The following SBK1 variants were observed in gnomAD, a reference collection of about 807,000 sequenced individuals.
SBK1 encodes the protein serine/threonine-protein kinase SBK1.
SBK1 carries 11 observed loss-of-function variants against 24.4 expected under a neutral mutation model. The observed-to-expected ratio is 0.45, with a 90% CI of 0.28 to 0.75. The LOEUF (loss-of-function observed/expected upper bound fraction) is 0.75, where lower values mean the gene tolerates loss of function less well. SBK1 is among the 30% of genes least tolerant of loss of function. The pLI is 0.12. For missense variants in SBK1, 467 were observed against 620.5 expected, an observed-to-expected ratio of 0.75 and a Z score of 2.63; for synonymous variants, 308 against 284.4, an observed-to-expected ratio of 1.08 and a Z score of -0.83.
At chr16:28,265,441 C>T (rs986687471) in intron 1 of SBK1, among the ~76,000 whole-genome samples, 1 of 151,460 alleles carries the variant, frequency 6.6e-6, no homozygotes, top group Non-Finnish European at 1.5e-5. Context: ...AAATACTAGC[C>T]GGGCATGGTG....
rs927806126 is a variant in SBK1, at chr16:28,317,191, G to A, written c.-7-194G>A. Among the ~76,000 whole-genome samples, 2 of 152,126 alleles carry A rather than the reference G, an allele frequency of 1.3e-5. No individual in the cohort carries two copies. Among genetic ancestry groups the A allele is most frequent in the African/African-American group, 2.4e-5 (1 of 41,438 alleles). On this transcript the variant is annotated intron_variant, in intron 1 of 3. Coordinates refer to ENST00000341901, the MANE Select transcript of SBK1 (RefSeq NM_001024401.3). This position sits in a 1 kb window ranked among gnomAD's most constrained non-coding sequence, Gnocchi z 4.2. ...TCTGGCAGTGACTGGTCTTCGGGGA[G>A]CTGACTCAGGCCTGGCCCCTGAGGC... is the stretch of plus-strand genomic sequence containing the variant.
rs1217311087 is a variant in SBK1, at chr16:28,322,718, C to G, written c.*1797C>G. 2 of 152,844 alleles carry G rather than the reference C, an allele frequency of 1.3e-5. No individual in the cohort carries two copies. The highest frequency in any genetic ancestry group is 2.9e-5 in the Non-Finnish European group (2 of 68,146). 9.5% of individuals were successfully genotyped at this position (152,844 alleles called of 1,614,324 possible). On this transcript the variant is annotated 3_prime_UTR_variant, in exon 4 of 4. Transcript: ENST00000341901. ...ACATGCCAGGTAAGTAGCAAACCCC[C>G]ACTCCCTCCAAGGACCAGGTCTCAG...
intron 1 of SBK1, among the ~76,000 whole-genome samples, chr16:28,260,898 C>T (rs1378943793): frequency 6.6e-6 from 1 of 152,148 alleles, no homozygotes; most frequent in African/African-American, 2.4e-5. Context: ...CGGAGGCCCA[C>T]CAGGTCTGTC....
chr16:28,301,719 C>T (rs2044680952), intron 1 of SBK1, among the ~76,000 whole-genome samples: 1 of 152,232 alleles, frequency 6.6e-6, no homozygotes, highest in South Asian at 2.1e-4. Context: ...CCAGGCTCAC[C>T]TGCAGAGTCA....
chr16:28,312,041 G>A lies in SBK1; in HGVS notation c.-7-5344G>A, dbSNP rs140714506. ...AGCCCAAGGCGGGAGGATTGCACACGTGTGGATGTGTGTGCTGTATGCACG... is the reference window on the plus strand; with the variant it reads ...AGCCCAAGGCGGGAGGATTGCACACATGTGGATGTGTGTGCTGTATGCACG... On this transcript the variant is annotated intron_variant, in intron 1 of 3. Coordinates refer to ENST00000341901, the MANE Select transcript of SBK1 (RefSeq NM_001024401.3). Among the ~76,000 whole-genome samples, 256 of 152,390 alleles carry A rather than the reference G, an allele frequency of 1.7e-3. 3 individuals carry two copies. The highest frequency in any genetic ancestry group is 5.9e-3 in the African/African-American group (247 of 41,592).
intron 1 of SBK1, among the ~76,000 whole-genome samples, chr16:28,271,133 G>GA (rs1441605539): frequency 6.6e-6 from 1 of 152,082 alleles, no homozygotes; most frequent in African/African-American, 2.4e-5. Context: ...AAAGTGCTGG[G>GA]ATTACAGGCG....
At chr16:28,314,036 T>C (rs2044773397) in intron 1 of SBK1, among the ~76,000 whole-genome samples, 1 of 142,832 alleles carries the variant, frequency 7.0e-6, no homozygotes, top group South Asian at 2.2e-4. Flanking sequence ...TGGGCACCTA[T>C]GGAGCACTTA....
chr16:28,273,200 G>A (rs149485942), intron 1 of SBK1, among the ~76,000 whole-genome samples: 189 of 150,434 alleles, frequency 1.3e-3, no homozygotes, highest in African/African-American at 4.3e-3. Flanking sequence ...GTGAGCCACC[G>A]CACCTGGCCT....
upstream of SBK1, among the ~76,000 whole-genome samples, chr16:28,288,235 C>A (rs36074930): frequency 2.6e-5 from 4 of 152,114 alleles, no homozygotes; most frequent in South Asian, 6.2e-4. Flanking sequence ...TGTGTCTCCA[C>A]GAACAGACGC....
Position 28,321,181 on chromosome 16 carries a change from CA to C in SBK1, c.*262del, listed in dbSNP as rs1339814625. 1.6e-5 allele frequency: 4 copies of C among 250,666 alleles called. No homozygotes were observed. The highest frequency in any genetic ancestry group is 9.5e-5 in the East Asian group (1 of 10,512). 15.5% of individuals were successfully genotyped at this position (250,666 alleles called of 1,614,324 possible). On this transcript the variant is annotated 3_prime_UTR_variant, in exon 4 of 4. Coordinates refer to ENST00000341901, the MANE Select transcript of SBK1 (RefSeq NM_001024401.3). ...ACCCGAGAATTCGGAGGCCACCACA[CA>C]ACACACACACACACACACACACACA...
chr16:28,274,408 G>A (rs1441552619), intron 1 of SBK1, among the ~76,000 whole-genome samples: 1 of 152,170 alleles, frequency 6.6e-6, no homozygotes, highest in African/African-American at 2.4e-5. Context: ...CCAGCACTTT[G>A]GGATGCCGAG....
At chr16:28,268,422 G>GTT (rs1249851668) in intron 1 of SBK1, among the ~76,000 whole-genome samples, 3 of 148,258 alleles carry the variant, frequency 2.0e-5, no homozygotes, top group African/African-American at 7.8e-5. Flanking sequence ...TTTAAAAATG[G>GTT]GTTTTTTTTT....
At chr16:28,315,736 G>C (rs1410336744) in intron 1 of SBK1, among the ~76,000 whole-genome samples, 1 of 152,124 alleles carries the variant, frequency 6.6e-6, no homozygotes, top group Admixed American at 6.5e-5. Flanking sequence ...CCTTCAGCCT[G>C]GGCAACAGAG....
At chr16:28,283,810 G>A (rs892673690) in intron 1 of SBK1, among the ~76,000 whole-genome samples, 3 of 152,104 alleles carry the variant, frequency 2.0e-5, no homozygotes, top group African/African-American at 7.2e-5. Flanking sequence ...GCTAGAAATT[G>A]GTGGCAGACA....
chr16:28,267,424 C>G (rs1290222807), intron 1 of SBK1, among the ~76,000 whole-genome samples: 1 of 152,198 alleles, frequency 6.6e-6, no homozygotes, highest in Non-Finnish European at 1.5e-5. Flanking sequence ...TTGGGCTCAC[C>G]TGAATTATCC....
At chr16:28,282,411 C>T (rs1405280914) in intron 1 of SBK1, among the ~76,000 whole-genome samples, 1 of 152,186 alleles carries the variant, frequency 6.6e-6, no homozygotes. Context: ...GCTCCCGTCA[C>T]CCCTCAGATC....
rs747296011 is a variant in SBK1 at position 28,317,448 on chromosome 16, G to A, written c.57G>A (p.Pro19=). Residue 19 remains proline, a synonymous_variant, in exon 2 of 4, where the codon CCG becomes CCA. Coordinates refer to ENST00000341901, the MANE Select transcript of SBK1 (RefSeq NM_001024401.3). This position sits in a 1 kb window ranked among gnomAD's most constrained non-coding sequence, Gnocchi z 4.2. ...CCCGCTCCCTGACCTGCTGTGGGCCGGGGACTGCCCCTGGGCCTGGTGCCG... is the reference window on the plus strand; with the variant it reads ...CCCGCTCCCTGACCTGCTGTGGGCCAGGGACTGCCCCTGGGCCTGGTGCCG... ...EPPRSLTCCG[P]GTAPGPGAGV... 1.9e-5 allele frequency: 30 copies of A among 1,613,854 alleles called. No individual in the cohort carries two copies. The highest frequency in any genetic ancestry group is 1.8e-4 in the East Asian group (8 of 44,880).
chr16:28,292,430 C>A, upstream of SBK1: 2 of 636,532 alleles, frequency 3.1e-6, no homozygotes, highest in African/African-American at 2.2e-5. Flanking sequence ...GCGCGCCGAG[C>A]GGGACGGACA....
At chr16:28,266,965 G>A (rs556175045) in intron 1 of SBK1, among the ~76,000 whole-genome samples, 56 of 151,832 alleles carry the variant, frequency 3.7e-4, no homozygotes, top group African/African-American at 1.3e-3. Context: ...GGAGTGCAGT[G>A]GTGCGATCTC....
Sources: gnomAD v4.1 joint callset for allele counts (sites outside exome capture counted in the v4.1 genomes callset) on GRCh38, gnomAD v4.1.1 for gene constraint, Gnocchi (gnomAD v3.1) non-coding constraint, MANE v1.5 for transcripts, NCBI Gene and HGNC (gene_info 2026-07-23, HGNC 2026-07-21) for gene names.